The following METTL22 variants were observed in gnomAD, a reference collection of about 807,000 sequenced individuals.
METTL22 encodes methyltransferase 22, Kin17 lysine.
METTL22 carries 51 observed loss-of-function variants against 48.4 expected under a neutral mutation model. The observed-to-expected ratio is 1.05, with a 90% confidence interval of 0.84 to 1.33. The LOEUF is 1.33. METTL22 is among the 40% of genes most tolerant of loss of function. METTL22 has a pLI of 0.00. For synonymous variants in METTL22, 255 were observed against 214.1 expected, an observed-to-expected ratio of 1.19 and a Z score of -1.67; for missense variants, 678 against 526.9, an observed-to-expected ratio of 1.29 and a Z score of -2.81.
chr16:8,659,749 C>A, the METTL22 span, among the ~76,000 whole-genome samples: 87,383 of 151,180 alleles, frequency 0.58, 27,332 homozygotes, highest in East Asian at 0.89. Flanking sequence ...TTCCAGACAG[C>A]GTCTTACCTT....
chr16:8,645,574 G>A (rs542041497), intron 10 of METTL22, among the ~76,000 whole-genome samples: 31 of 151,878 alleles, frequency 2.0e-4, no homozygotes, highest in East Asian at 9.7e-4. Flanking sequence ...CTAGGAGTTC[G>A]AGACCAGCCT....
In METTL22 at chr16:8,629,040, T is replaced by C; in HGVS notation, c.444T>C (p.Ile148=). The C allele has an allele frequency of 6.2e-7, 1 of 1,613,958 alleles. No individual in the cohort carries two copies. The highest frequency in any genetic ancestry group is 8.5e-7 in the Non-Finnish European group (1 of 1,180,020). Residue 148 remains isoleucine (I), a synonymous_variant, in exon 3 of 11, where the codon ATT becomes ATC. Transcript: ENST00000381920. ...GPLRDKVHPM[I]LAQEEDDVLG... is the part of the protein sequence containing the mutation. Reference sequence around the variant, plus strand: ...TGAGAGACAAGGTACATCCCATGATTCTAGCACAGGAAGAAGACGACGTCC... The same window carrying C: ...TGAGAGACAAGGTACATCCCATGATCCTAGCACAGGAAGAAGACGACGTCC...
intron 10 of METTL22, 23 bp from the exon 11 acceptor site, chr16:8,646,085 G>A (rs781126195): frequency 2.1e-6 from 3 of 1,460,164 alleles, no homozygotes; most frequent in African/African-American, 2.8e-5. Context: ...TCAGAAACCT[G>A]TTCTTTTCTC....
chr16:8,646,380 A>G lies in METTL22; in HGVS notation c.*237A>G. The G allele has an allele frequency of 1.4e-6, 1 of 695,450 alleles. No homozygotes were observed. The highest frequency in any genetic ancestry group is 2.6e-6 in the Non-Finnish European group (1 of 381,954). 43.1% of individuals were successfully genotyped at this position (695,450 alleles called of 1,614,324 possible). ...TAGTTGCCTGTTTCTCATGGTTGTG[A>G]TGTGTGCTCCAGGGTCAAGCCGAGC... On this transcript the variant is annotated 3_prime_UTR_variant, in exon 11 of 11. Coordinates refer to ENST00000381920, the MANE Select transcript of METTL22 (RefSeq NM_024109.4).
chr16:8,661,707 T>C, the METTL22 span, among the ~76,000 whole-genome samples: 1 of 142,666 alleles, frequency 7.0e-6, no homozygotes, highest in Non-Finnish European at 1.5e-5. Context: ...TTTGTACTCA[T>C]ATTATTTTAT....
At chr16:8,657,612 AC>A in the METTL22 span, among the ~76,000 whole-genome samples, 1 of 152,134 alleles carries the variant, frequency 6.6e-6, no homozygotes, top group South Asian at 2.1e-4. Context: ...GATGTTTTCC[AC>A]CTTTTTGAAA....
rs747957588 is a variant in METTL22, at chr16:8,642,565, G to C, written c.1010G>C (p.Arg337Thr). Residue 337 changes from arginine to threonine, a missense_variant and splice_region_variant, in exon 9 of 11, where the codon AGG (arginine) becomes ACG (threonine). Arg to Thr is a moderately conservative substitution (Grantham distance 71). Coordinates refer to ENST00000381920, the MANE Select transcript of METTL22 (RefSeq NM_024109.4). Reference sequence around the variant, plus strand: ...ACAGCCATACTGTCGGTGGAGAAGAGGTGAGCTTTGCGCCACGGGAACCGT... The same window carrying C: ...ACAGCCATACTGTCGGTGGAGAAGACGTGAGCTTTGCGCCACGGGAACCGT... ...ACTAILSVEK[R>T]LNFTLRHLDV... 6.2e-7 allele frequency: 1 copy of C among 1,613,974 alleles called. No individual in the cohort carries two copies. The highest frequency in any genetic ancestry group is 8.5e-7 in the Non-Finnish European group (1 of 1,179,962).
chr16:8,629,846 G>T (rs950165804), intron 3 of METTL22, among the ~76,000 whole-genome samples: 2 of 152,170 alleles, frequency 1.3e-5, no homozygotes, highest in African/African-American at 4.8e-5. Flanking sequence ...TCCTGGTTAA[G>T]CACCTATCGT....
chr16:8,641,285 C>T lies in METTL22; in HGVS notation c.826+101C>T, dbSNP rs145870941. 2.1e-4 allele frequency: 242 copies of T among 1,175,094 alleles called. 1 individual carries two copies. The African/African-American group carries it at 2.3e-3, about 11-fold the overall frequency. 72.8% of individuals were successfully genotyped at this position (1,175,094 alleles called of 1,614,324 possible). On this transcript the variant is annotated intron_variant, in intron 7 of 10. Coordinates refer to ENST00000381920, the MANE Select transcript of METTL22 (RefSeq NM_024109.4). ...GGTTTTGACAGAGCTGTAGTCCCAG[C>T]TGCTGCCACAGTCCCATCGGCGCAT...
At chr16:8,639,568 T>C in intron 6 of METTL22, 1 of 211,676 alleles carries the variant, frequency 4.7e-6, no homozygotes, top group Non-Finnish European at 9.8e-6. Context: ...AAGTCTGAGC[T>C]CCTTGAATTC....
chr16:8,632,331 C>G (rs1596342921), intron 3 of METTL22, among the ~76,000 whole-genome samples: 1 of 152,190 alleles, frequency 6.6e-6, no homozygotes, highest in East Asian at 1.9e-4. Context: ...CTTGGTCAGA[C>G]TCCCAAATGA....
intron 6 of METTL22, 168 bp downstream of exon 6, chr16:8,639,330 A>G (rs756680255): frequency 1.9e-4 from 125 of 652,838 alleles, no homozygotes; most frequent in Non-Finnish European, 9.8e-5. Flanking sequence ...CAGAGCATTG[A>G]GGACGCTCCT....
chr16:8,624,788 G>A (rs539048184), intron 1 of METTL22, among the ~76,000 whole-genome samples: 1 of 152,112 alleles, frequency 6.6e-6, no homozygotes, highest in African/African-American at 2.4e-5. Context: ...ATCGCGTGAA[G>A]TTTGAGGCTG....
intron 10 of METTL22, 140 bp from the exon 11 acceptor site, chr16:8,645,968 T>TGG: frequency 7.0e-7 from 1 of 1,436,226 alleles, no homozygotes; most frequent in Non-Finnish European, 9.1e-7. Flanking sequence ...AAGCCGCCCG[T>TGG]CCGCTCCTGC....
At chr16:8,662,183 A>G in the METTL22 span, among the ~76,000 whole-genome samples, 2 of 145,698 alleles carry the variant, frequency 1.4e-5, no homozygotes. Context: ...TTGAGGTTAC[A>G]GTGAACTGTG....
In METTL22 at chr16:8,649,024, C is replaced by G. The variant is rs376014884; in HGVS notation, c.*2881C>G. ...GAATATTAATAATGAGTCTTCAAATCAGAACCCCACTAGACAGAGCCAACA... is the reference window on the plus strand; with the variant it reads ...GAATATTAATAATGAGTCTTCAAATGAGAACCCCACTAGACAGAGCCAACA... On this transcript the variant is annotated 3_prime_UTR_variant, in exon 11 of 11. Transcript: ENST00000381920. 2 of 152,222 alleles carry G rather than the reference C, an allele frequency of 1.3e-5. No individual in the cohort carries two copies. The highest frequency in any genetic ancestry group is 2.9e-5 in the Non-Finnish European group (2 of 68,050). 9.4% of individuals were successfully genotyped at this position (152,222 alleles called of 1,614,324 possible). A position where few individuals can be genotyped will look rare whatever the true frequency, so the allele number is the denominator to read the frequency against.
At position 8,625,608 on chromosome 16, in the gene METTL22, A is replaced by C. The variant is rs2056018785; in HGVS notation, c.-58A>C. On this transcript the variant is annotated 5_prime_UTR_variant, in exon 2 of 11. The change abolishes the stop of an existing upstream ORF in the 5' untranslated region. Transcript: ENST00000381920. ...ATCTCCTCTGGGACCTGCCATGCTG[A>C]GGACCCATTCTCACCTCTGAGGGAC... is the stretch of plus-strand genomic sequence containing the variant. 1.3e-6 allele frequency: 2 copies of C among 1,596,108 alleles called. No individual in the cohort carries two copies. Among genetic ancestry groups the C allele is most frequent in the East Asian group, 4.5e-5 (2 of 44,628 alleles).
chr16:8,624,529 G>C (rs1406726246), intron 1 of METTL22, among the ~76,000 whole-genome samples: 1 of 151,910 alleles, frequency 6.6e-6, no homozygotes, highest in Non-Finnish European at 1.5e-5. Flanking sequence ...ACCAGCGCGC[G>C]CCACGACACC....
At chr16:8,635,420 G>C (rs1317409409) in intron 5 of METTL22, 108 bp downstream of exon 5, 1 of 1,351,132 alleles carries the variant, frequency 7.4e-7, no homozygotes, top group East Asian at 2.5e-5. Flanking sequence ...GTTAGCTGTT[G>C]TTGATTTTGC....
Sources: gnomAD v4.1 joint callset for allele counts (sites outside exome capture counted in the v4.1 genomes callset) on GRCh38, gnomAD v4.1.1 for gene constraint, MANE v1.5 for transcripts, NCBI Gene and HGNC (gene_info 2026-07-23, HGNC 2026-07-21) for gene names.